The following NOTUM variants were observed in gnomAD, a reference collection of about 807,000 sequenced individuals.
The protein encoded by NOTUM is notum, palmitoleoyl-protein carboxylesterase, also known as palmitoleoyl-protein carboxylesterase NOTUM.
In NOTUM, 36 loss-of-function variants were observed where a neutral mutation model predicts 65.5. That is an observed-to-expected ratio of 0.55 (90% CI 0.42 to 0.73). The LOEUF is 0.73. NOTUM is among the 30% of genes least tolerant of loss of function. The pLI is 0.00. For missense variants in NOTUM, 659 were observed against 694.2 expected, an observed-to-expected ratio of 0.95 and a Z score of 0.57; for synonymous variants, 356 against 297.9, an observed-to-expected ratio of 1.20 and a Z score of -2.01.
chr17:81,958,237 C>T (rs1256428449), intron 5 of NOTUM, 98 bp downstream of exon 5: 15 of 810,680 alleles, frequency 1.9e-5, no homozygotes, highest in Non-Finnish European at 2.9e-5. Context: ...GAACCCCTGC[C>T]GTCCCGCCTC....
In NOTUM at chr17:81,953,213, G is replaced by A. The variant is rs1284698227; in HGVS notation, c.1239C>T (p.Cys413=). ...GGCTGTCATGGAGGCTCCTGTCCCA[G>A]CAGTGCAGTGCTCGGGGCAGCGACG... The part of the protein sequence containing the change: ...KGTSLPRALH[C]WDRSLHDSHK... The change falls in exon 11 of 11, where the codon TGC becomes TGT. Residue 413 remains cysteine, a synonymous_variant. Transcript: ENST00000409678. 10 of 1,612,506 alleles carry A rather than the reference G, an allele frequency of 6.2e-6. No homozygotes were observed. The highest frequency in any genetic ancestry group is 5.1e-6 in the Non-Finnish European group (6 of 1,179,708).
intron 10 of NOTUM, 65 bp downstream of exon 10, chr17:81,954,191 G>T: frequency 2.5e-6 from 3 of 1,199,812 alleles, no homozygotes; most frequent in Non-Finnish European, 3.7e-6. Flanking sequence ...AAGTGCGGTT[G>T]GGGAGCATGT....
chr17:81,958,909 C>T (rs1391180364), intron 4 of NOTUM, 26 bp downstream of exon 4: 1 of 1,595,658 alleles, frequency 6.3e-7, no homozygotes, highest in Non-Finnish European at 8.6e-7. Flanking sequence ...GGCAGGACTC[C>T]CAGGCAAGAC....
At position 81,960,900 on chromosome 17, in the gene NOTUM, C is replaced by G; in HGVS notation, c.10G>C (p.Gly4Arg). Reference protein sequence around the residue: MGRGVRVLLLLSLL... With the variant: MGRRVRVLLLLSLL... ...CTCAGCAGCAGCAGCACGCGCACCC[C>G]TCGGCCCATGGCCGCGTCCACCTGC... Residue 4 changes from glycine (G) to arginine (R), a missense_variant, in exon 1 of 11, where the codon GGG becomes CGG. Physicochemically the swap from Gly to Arg is moderately radical, Grantham distance 125. Coordinates refer to ENST00000409678, the MANE Select transcript of NOTUM (RefSeq NM_178493.6). This position sits in a 1 kb window ranked among gnomAD's most constrained non-coding sequence, Gnocchi z 6.4. 2 of 1,321,404 alleles carry G rather than the reference C, an allele frequency of 1.5e-6. No homozygotes were observed. The highest frequency in any genetic ancestry group is 1.9e-6 in the Non-Finnish European group (2 of 1,037,220). The allele number at this position is 1,321,404 out of a possible 1,614,324, so 81.9% of individuals were successfully genotyped here. A position where few individuals can be genotyped will look rare whatever the true frequency, so the allele number is the denominator to read the frequency against.
chr17:81,955,472 T>C lies in NOTUM; in HGVS notation c.1061A>G (p.Gln354Arg), dbSNP rs1260730655. 1 of 1,610,262 alleles carries C rather than the reference T, an allele frequency of 6.2e-7. No individual in the cohort carries two copies. Among genetic ancestry groups the C allele is most frequent in the Non-Finnish European group, 8.5e-7 (1 of 1,178,896 alleles). ...CAGCCGCAGGCCCTCCTGCACCGGC[T>C]GCCCCGTCAGGTGCACGTTGTCCAC... ...LTVDNVHLTG[Q>R]PVQEGLRLYI... The change falls in exon 9 of 11, where the codon CAG (glutamine) becomes CGG (arginine). Residue 354 changes from glutamine (Q) to arginine (R), a missense_variant. Transcript: ENST00000409678.
chr17:81,958,764 C>A (rs1276866930), intron 4 of NOTUM, among the ~76,000 whole-genome samples, 171 bp downstream of exon 4: 1 of 151,926 alleles, frequency 6.6e-6, no homozygotes, highest in Non-Finnish European at 1.5e-5. Flanking sequence ...TCCTCCCCAC[C>A]ACGAAAGAAA....
chr17:81,958,210 G>A (rs920204130), intron 5 of NOTUM, 125 bp downstream of exon 5: 1 of 706,450 alleles, frequency 1.4e-6, no homozygotes, highest in South Asian at 1.6e-5. Flanking sequence ...ACAAGGCTGA[G>A]AGTCAGCTTT....
chr17:81,960,109 C>G lies in NOTUM; in HGVS notation c.324-417G>C, dbSNP rs1598369616. ...CGACCCGGCGGGGGAGCCTTCCTGC[C>G]GAGCCCCGACCCCACGCCCAAGTCT... On this transcript the variant is annotated intron_variant, in intron 1 of 10. Coordinates refer to ENST00000409678, the MANE Select transcript of NOTUM (RefSeq NM_178493.6). This position sits in a 1 kb window ranked among gnomAD's most constrained non-coding sequence, Gnocchi z 6.4. 6.6e-6 allele frequency among the ~76,000 whole-genome samples: 1 copy of G among 152,184 alleles called. No homozygotes were observed. Among genetic ancestry groups the G allele is most frequent in the African/African-American group, 2.4e-5 (1 of 41,558 alleles).
intron 6 of NOTUM, 22 bp downstream of exon 6, chr17:81,957,784 A>G: frequency 7.7e-6 from 12 of 1,555,452 alleles, no homozygotes; most frequent in Non-Finnish European, 1.0e-5. Flanking sequence ...CCTCACCTCC[A>G]GCCCTGCCCC....
rs1180558150 is a variant in NOTUM at position 81,960,828 on chromosome 17, G to A, written c.82C>T (p.Arg28Cys). 2.6e-6 allele frequency: 4 copies of A among 1,522,822 alleles called. No individual in the cohort carries two copies. The highest frequency in any genetic ancestry group is 4.0e-5 in the Admixed American group (2 of 49,558). The allele number at this position is 1,522,822 out of a possible 1,614,324, so 94.3% of individuals were successfully genotyped here. A position where few individuals can be genotyped will look rare whatever the true frequency, so the allele number is the denominator to read the frequency against. ...GGAGGAGGCGGCTGCTGACCCCGGC[G>A]CCGCCAGGTCTTCCTGCCCTCGCTG... ...GGSEGRKTWRRRGQQPPPPPR... is the reference protein window; with the variant it reads ...GGSEGRKTWRCRGQQPPPPPR... Residue 28 changes from arginine (R) to cysteine (C), a missense_variant, in exon 1 of 11, where the codon CGC (arginine) becomes TGC (cysteine). Coordinates refer to ENST00000409678, the MANE Select transcript of NOTUM (RefSeq NM_178493.6). This position sits in a 1 kb window ranked among gnomAD's most constrained non-coding sequence, Gnocchi z 6.4.
Position 81,959,719 on chromosome 17 carries a change from G to A in NOTUM, c.324-27C>T, listed in dbSNP as rs1366399921. On this transcript the variant is annotated intron_variant, in intron 1 of 10. Transcript: ENST00000409678. ...TGCGGGGGAGGACGCACCGCGGGGG[G>A]TCGGCCAGGGCTGCCGACCCGCCGC... 5 of 1,405,388 alleles carry A rather than the reference G, an allele frequency of 3.6e-6. No homozygotes were observed. In the African/African-American group the frequency reaches 4.5e-5, roughly 13 times the overall value. 87.1% of individuals were successfully genotyped at this position (1,405,388 alleles called of 1,614,324 possible).
At chr17:81,958,026 A>C in intron 5 of NOTUM, 118 bp from the exon 6 acceptor site, 1 of 774,916 alleles carries the variant, frequency 1.3e-6, no homozygotes, top group South Asian at 1.6e-5. Flanking sequence ...GAATCTTCTG[A>C]GAAGGGGTCA....
In NOTUM at chr17:81,952,808, CGGGGCAGG is replaced by C; in HGVS notation, c.*145_*152del. 3 of 669,594 alleles carry C rather than the reference CGGGGCAGG, an allele frequency of 4.5e-6. No individual in the cohort carries two copies. Among genetic ancestry groups the C allele is most frequent in the Non-Finnish European group, 7.7e-6 (3 of 387,344 alleles). 41.5% of individuals were successfully genotyped at this position (669,594 alleles called of 1,614,324 possible). On this transcript the variant is annotated 3_prime_UTR_variant, in exon 11 of 11. Coordinates refer to ENST00000409678, the MANE Select transcript of NOTUM (RefSeq NM_178493.6). ...GCTGTGGGAGAGGGGCAGGGAAAGC[CGGGGCAGG>C]AGGGCAGTGGGCAGACCCAGACAGG...
intron 4 of NOTUM, 122 bp from the exon 5 acceptor site, chr17:81,958,515 AT>A: frequency 1.4e-6 from 1 of 699,622 alleles, no homozygotes; most frequent in Non-Finnish European, 2.5e-6. Context: ...TGGAAGGACC[AT>A]CCCAGGATAG....
chr17:81,959,603 G>T, intron 2 of NOTUM, 37 bp from the exon 3 acceptor site: 2 of 1,546,498 alleles, frequency 1.3e-6, no homozygotes, highest in Non-Finnish European at 8.7e-7. Flanking sequence ...CGCGCGCACA[G>T]ACCCCCGGCC....
intron 9 of NOTUM, 64 bp from the exon 10 acceptor site, chr17:81,954,367 TC>T: frequency 9.0e-7 from 1 of 1,105,572 alleles, no homozygotes; most frequent in Non-Finnish European, 1.3e-6. Context: ...CCACCCCCAC[TC>T]CCCTAGAGCT....
chr17:81,953,962 G>A (rs1012279915), intron 10 of NOTUM, among the ~76,000 whole-genome samples: 1 of 151,896 alleles, frequency 6.6e-6, no homozygotes, highest in African/African-American at 2.4e-5. Context: ...ATTTTTACTA[G>A]AGACAGGGTT....
rs368136753 is a variant in NOTUM, at chr17:81,953,584, G to GT, written c.1185-318dup. Among the ~76,000 whole-genome samples the GT allele has an allele frequency of 3.3e-3, 502 of 152,154 alleles. 7 individuals carry two copies. Among genetic ancestry groups the GT allele is most frequent in the African/African-American group, 0.011 (465 of 41,516 alleles). ...GCTGAGATAACAGGCGTGAGCCACC[G>GT]TATCTAGCCTGGGTTTTTTTGTTTT... On this transcript the variant is annotated intron_variant, in intron 10 of 10. Transcript: ENST00000409678.
chr17:81,958,038 G>A, intron 5 of NOTUM, 130 bp from the exon 6 acceptor site: 1 of 704,916 alleles, frequency 1.4e-6, no homozygotes, highest in Non-Finnish European at 2.5e-6. Flanking sequence ...AAGGGGTCAG[G>A]GGCTTGGGTG....
Sources: allele counts gnomAD v4.1 joint callset (sites outside exome capture counted in the v4.1 genomes callset), GRCh38; gene constraint gnomAD v4.1.1; non-coding constraint Gnocchi (gnomAD v3.1); transcripts MANE v1.5; gene names NCBI Gene and HGNC (gene_info 2026-07-23, HGNC 2026-07-21).